CYYR1: variants seen among roughly 807,000 people sequenced by gnomAD.
The protein encoded by CYYR1 is cysteine and tyrosine-rich protein 1.
Under a neutral mutation model 15.2 loss-of-function variants are expected in CYYR1, and 14 were observed. The observed-to-expected ratio is 0.92, with a 90% confidence interval of 0.61 to 1.44. The LOEUF is 1.44. CYYR1 is among the 40% of genes most tolerant of loss of function. The probability of loss-of-function intolerance (pLI) is 0.00; values close to 1 mark genes in which losing one functional copy is unlikely to be tolerated. For missense variants in CYYR1, 228 were observed against 209.5 expected (o/e 1.09, Z -0.54); for synonymous variants, 80 against 77.4 (o/e 1.03, Z -0.18).
chr21:26,525,587 C>A (rs2065853887), intron 2 of CYYR1, among the ~76,000 whole-genome samples: 3 of 152,142 alleles, frequency 2.0e-5, no homozygotes, highest in Admixed American at 2.0e-4. Context: ...ATCCCTGTAA[C>A]TTTATAACTA....
chr21:26,539,037 T>C (rs920491892), intron 2 of CYYR1, among the ~76,000 whole-genome samples: 23 of 152,186 alleles, frequency 1.5e-4, no homozygotes, highest in African/African-American at 5.5e-4. Context: ...AATAATGTGA[T>C]ACGAAAACAA....
At chr21:26,546,942 C>T (rs1979016669) in intron 2 of CYYR1, among the ~76,000 whole-genome samples, 2 of 152,204 alleles carry the variant, frequency 1.3e-5, no homozygotes, top group African/African-American at 4.8e-5. Flanking sequence ...AGTGGAAATG[C>T]CAGCTTCCCA....
At chr21:26,567,220 A>T (rs1207789477) in intron 1 of CYYR1, among the ~76,000 whole-genome samples, 1 of 152,314 alleles carries the variant, frequency 6.6e-6, no homozygotes, top group African/African-American at 2.4e-5. Context: ...TGGTAACACA[A>T]TGAGTCTGCA....
At chr21:26,537,635 G>A (rs901869544) in intron 2 of CYYR1, among the ~76,000 whole-genome samples, 2 of 152,074 alleles carry the variant, frequency 1.3e-5, no homozygotes, top group African/African-American at 2.4e-5. Flanking sequence ...AAAGCAAATC[G>A]AGGGCAATGC....
At chr21:26,538,009 G>A (rs779297159) in intron 2 of CYYR1, among the ~76,000 whole-genome samples, 1 of 152,166 alleles carries the variant, frequency 6.6e-6, no homozygotes, top group Non-Finnish European at 1.5e-5. Context: ...ATCAGTCTAC[G>A]TTGTTTTATG....
At chr21:26,552,529 T>C (rs916898876) in intron 2 of CYYR1, among the ~76,000 whole-genome samples, 2 of 152,100 alleles carry the variant, frequency 1.3e-5, no homozygotes, top group Non-Finnish European at 2.9e-5. Flanking sequence ...TTCTGTTTGT[T>C]CCCTCTGTTT....
In CYYR1 at chr21:26,480,293, T is replaced by G; in HGVS notation, c.313A>C (p.Asn105His). Reference protein sequence around the residue: ...RVGILRTTHINTVSSYPAGPP... With the variant: ...RVGILRTTHIHTVSSYPAGPP... ...TCACCAGGATAGGAGGAGACGGTGT[T>G]GATGTGAGTCGTCCTGAGGATGCCC... Residue 105 changes from asparagine (N) to histidine (H), a missense_variant, in exon 3 of 4, where the codon AAC becomes CAC. Asn to His is a moderately conservative substitution (Grantham distance 68). Coordinates refer to ENST00000652641, the MANE Select transcript of CYYR1 (RefSeq NM_001320768.2). 1 of 1,612,668 alleles carries G rather than the reference T, an allele frequency of 6.2e-7. No individual in the cohort carries two copies.
chr21:26,530,797 C>CT (rs1277540126), intron 2 of CYYR1, among the ~76,000 whole-genome samples: 2 of 152,098 alleles, frequency 1.3e-5, no homozygotes, highest in Non-Finnish European at 2.9e-5. Flanking sequence ...TGAACTCATC[C>CT]TTTTTTGTGG....
chr21:26,504,618 G>A (rs1910962970), intron 2 of CYYR1, among the ~76,000 whole-genome samples: 1 of 152,126 alleles, frequency 6.6e-6, no homozygotes, highest in Non-Finnish European at 1.5e-5. Flanking sequence ...GAAGAATGAA[G>A]TATCCATCCC....
At chr21:26,566,866 G>A (rs1445844430) in intron 1 of CYYR1, among the ~76,000 whole-genome samples, 1 of 151,948 alleles carries the variant, frequency 6.6e-6, no homozygotes, top group African/African-American at 2.4e-5. Flanking sequence ...AAAAGTAGCT[G>A]GGTGTCGTGG....
chr21:26,518,651 T>G (rs1362105490), intron 2 of CYYR1: 1 of 152,252 alleles, frequency 6.6e-6, no homozygotes, highest in Admixed American at 6.5e-5. Context: ...ACACTGCTGC[T>G]TTAATCTCCT....
At chr21:26,537,411 T>C (rs1291255941) in intron 2 of CYYR1, among the ~76,000 whole-genome samples, 3 of 152,136 alleles carry the variant, frequency 2.0e-5, no homozygotes, top group East Asian at 1.9e-4. Flanking sequence ...TTTATTGCAA[T>C]ACTAAAAAGC....
At chr21:26,506,279 A>G (rs973347209) in intron 2 of CYYR1, among the ~76,000 whole-genome samples, 5 of 152,130 alleles carry the variant, frequency 3.3e-5, no homozygotes, top group Admixed American at 3.3e-4. Flanking sequence ...GCCTACAGTC[A>G]TGCTCCCATC....
At chr21:26,522,747 A>G (rs1304911903) in intron 2 of CYYR1, among the ~76,000 whole-genome samples, 1 of 151,448 alleles carries the variant, frequency 6.6e-6, no homozygotes, top group Non-Finnish European at 1.5e-5. Context: ...GATCATATAC[A>G]GTGAAAAAAC....
At position 26,474,266 on chromosome 21, in the gene CYYR1, G is replaced by A. The variant is rs554137014; in HGVS notation, c.335-5632C>T. Among the ~76,000 whole-genome samples the A allele has an allele frequency of 2.6e-5, 4 of 151,918 alleles. No individual in the cohort carries two copies. In the East Asian group the frequency reaches 5.8e-4, roughly 22 times the overall value. ...GACGGGGTTTCACCATGTTGGTCAG[G>A]CTGGTCTCGAACTTCTGACCTCATG... On this transcript the variant is annotated intron_variant, in intron 3 of 3. Coordinates refer to ENST00000652641, the MANE Select transcript of CYYR1 (RefSeq NM_001320768.2).
chr21:26,515,458 CAA>C (rs1432214365), intron 2 of CYYR1, among the ~76,000 whole-genome samples: 1 of 152,102 alleles, frequency 6.6e-6, no homozygotes, highest in Admixed American at 6.5e-5. Flanking sequence ...CACTGGCGTT[CAA>C]GTGATCCTCC....
intron 3 of CYYR1, among the ~76,000 whole-genome samples, chr21:26,474,952 TTG>T: frequency 6.6e-6 from 1 of 152,242 alleles, no homozygotes; most frequent in South Asian, 2.1e-4. Context: ...TTTGCACCTA[TTG>T]TCAATATTCT....
At chr21:26,530,350 G>A (rs898085020) in intron 2 of CYYR1, among the ~76,000 whole-genome samples, 3 of 151,850 alleles carry the variant, frequency 2.0e-5, no homozygotes, top group South Asian at 2.1e-4. Flanking sequence ...ATTTTTGTCT[G>A]CAGCATTTTC....
intron 3 of CYYR1, chr21:26,470,815 A>T (rs1248174017): frequency 6.6e-6 from 1 of 152,286 alleles, no homozygotes; most frequent in Non-Finnish European, 1.5e-5. Context: ...TACTTGGAGG[A>T]TGTGAGGAAG....
Sources: gnomAD v4.1 joint callset for allele counts (sites outside exome capture counted in the v4.1 genomes callset) on GRCh38, gnomAD v4.1.1 for gene constraint, MANE v1.5 for transcripts, NCBI Gene and HGNC (gene_info 2026-07-23, HGNC 2026-07-21) for gene names.